The following CNTNAP2 variants were observed in gnomAD, a reference collection of about 807,000 sequenced individuals.
CNTNAP2 encodes contactin associated protein 2.
Under a neutral mutation model 155.2 loss-of-function variants are expected in CNTNAP2, and 98 were observed. The ratio of observed to expected loss-of-function variants is 0.63; its 90% CI spans 0.54 to 0.75. The LOEUF (loss-of-function observed/expected upper bound fraction) is 0.75, where lower values mean the gene tolerates loss of function less well. Among genes scored for constraint, CNTNAP2 ranks in the 30% least tolerant of loss-of-function variants. CNTNAP2 has a pLI of 0.00. For synonymous variants in CNTNAP2, 651 were observed against 631.2 expected (o/e 1.03, Z -0.47); for missense variants, 1,727 against 1,688.1 (o/e 1.02, Z -0.40).
At chr7:146,913,620 C>A (rs1022559370) in intron 3 of CNTNAP2, among the ~76,000 whole-genome samples, 1 of 152,058 alleles carries the variant, frequency 6.6e-6, no homozygotes, top group African/African-American at 2.4e-5. Context: ...CTCAAAGAAG[C>A]AAGCTTTCTT....
At chr7:147,426,342 G>T (rs1382032700) in intron 10 of CNTNAP2, among the ~76,000 whole-genome samples, 1 of 152,054 alleles carries the variant, frequency 6.6e-6, no homozygotes, top group Non-Finnish European at 1.5e-5. Flanking sequence ...TCTTTGGTGT[G>T]TGTGTTTGTT....
intron 13 of CNTNAP2, among the ~76,000 whole-genome samples, chr7:147,668,970 C>A (rs1795743485): frequency 6.6e-6 from 1 of 151,610 alleles, no homozygotes; most frequent in Non-Finnish European, 1.5e-5. Flanking sequence ...TTTTTTTTAT[C>A]TTTTATATTA....
At chr7:147,432,904 T>C (rs946382480) in intron 10 of CNTNAP2, among the ~76,000 whole-genome samples, 3 of 152,214 alleles carry the variant, frequency 2.0e-5, no homozygotes, top group African/African-American at 7.2e-5. Flanking sequence ...AAGTTTATGA[T>C]TAAATATGCA....
chr7:147,674,094 C>T (rs1029311427), intron 13 of CNTNAP2, among the ~76,000 whole-genome samples: 1 of 151,696 alleles, frequency 6.6e-6, no homozygotes, highest in African/African-American at 2.4e-5. Context: ...TTTTTTAATT[C>T]TGGAGGAAAT....
intron 1 of CNTNAP2, among the ~76,000 whole-genome samples, chr7:146,404,124 C>CAAAAAAAA (rs1163559597): frequency 0.012 from 871 of 72,604 alleles, 83 homozygotes; most frequent in African/African-American, 0.054. Flanking sequence ...GACTCCGTCT[C>CAAAAAAAA]AAAAAAAAAA....
intron 3 of CNTNAP2, among the ~76,000 whole-genome samples, chr7:146,923,457 T>C (rs1029043032): frequency 6.6e-6 from 1 of 152,176 alleles, no homozygotes; most frequent in Non-Finnish European, 1.5e-5. Flanking sequence ...GTATTCTCAT[T>C]GCTTGGCACA....
At chr7:148,176,837 G>A (rs1171897084) in intron 18 of CNTNAP2, among the ~76,000 whole-genome samples, 1 of 152,156 alleles carries the variant, frequency 6.6e-6, no homozygotes, top group Non-Finnish European at 1.5e-5. Context: ...AATCATCCCA[G>A]ACTACATGGA....
chr7:148,255,476 A>C (rs1191509912), intron 20 of CNTNAP2, among the ~76,000 whole-genome samples: 2 of 152,222 alleles, frequency 1.3e-5, no homozygotes, highest in Admixed American at 6.5e-5. Context: ...AATAATATTC[A>C]GTGTTTTTCC....
intron 1 of CNTNAP2, among the ~76,000 whole-genome samples, chr7:146,502,449 T>A (rs1797319609): frequency 6.6e-6 from 1 of 151,926 alleles, no homozygotes; most frequent in Non-Finnish European, 1.5e-5. Context: ...TATTAGTTTT[T>A]TGAGAAATGT....
At chr7:146,422,359 G>GTATATATATATATATATATATATA (rs971506491) in intron 1 of CNTNAP2, among the ~76,000 whole-genome samples, 35 of 148,148 alleles carry the variant, frequency 2.4e-4, no homozygotes, top group African/African-American at 8.7e-4. Context: ...GTATATATAT[G>GTATATATATATATATATATATATA]TATATATATA....
chr7:147,341,292 G>T (rs893028166), intron 9 of CNTNAP2, among the ~76,000 whole-genome samples: 2 of 151,980 alleles, frequency 1.3e-5, no homozygotes, highest in Admixed American at 1.3e-4. Flanking sequence ...CTGTCGGTCG[G>T]TGGAGGGCTG....
intron 1 of CNTNAP2, among the ~76,000 whole-genome samples, chr7:146,733,559 A>T (rs1801563139): frequency 6.6e-6 from 1 of 152,144 alleles, no homozygotes; most frequent in Non-Finnish European, 1.5e-5. Flanking sequence ...GTACAGTCTC[A>T]TATTATAATA....
chr7:146,197,491 T>C lies in CNTNAP2; in HGVS notation c.97+80518T>C, dbSNP rs887844752. Among the ~76,000 whole-genome samples, 5 of 152,310 alleles carry C rather than the reference T, an allele frequency of 3.3e-5. No homozygotes were observed. In the East Asian group the frequency reaches 9.6e-4, roughly 29 times the overall value. On this transcript the variant is annotated intron_variant, in intron 1 of 23. Coordinates refer to ENST00000361727, the MANE Select transcript of CNTNAP2 (RefSeq NM_014141.6). ...ATTCAAGAAATTAGACCAGCAGCTA[T>C]ACCTTTAAAAGTACCTGTAGATTTT...
At chr7:147,475,296 G>C (rs987607111) in intron 10 of CNTNAP2, among the ~76,000 whole-genome samples, 9 of 152,138 alleles carry the variant, frequency 5.9e-5, no homozygotes, top group African/African-American at 2.2e-4. Context: ...GAAATTAATA[G>C]ACTTTATCAA....
At chr7:146,860,203 A>G (rs1030622366) in intron 3 of CNTNAP2, among the ~76,000 whole-genome samples, 2 of 152,230 alleles carry the variant, frequency 1.3e-5, no homozygotes, top group East Asian at 1.9e-4. Flanking sequence ...TTAGAGCTAG[A>G]TAGAATATAA....
At chr7:146,562,491 A>G (rs971808) in intron 1 of CNTNAP2, among the ~76,000 whole-genome samples, 117,425 of 152,076 alleles carry the variant, frequency 0.77, 45,813 homozygotes, top group South Asian at 0.89. Flanking sequence ...AAGGAACAAC[A>G]TGACGCATTT....
At chr7:147,370,134 T>C (rs888775419) in intron 9 of CNTNAP2, among the ~76,000 whole-genome samples, 2 of 143,738 alleles carry the variant, frequency 1.4e-5, no homozygotes, top group African/African-American at 2.5e-5. Flanking sequence ...GCATACTCTG[T>C]GTGCATGAGA....
intron 1 of CNTNAP2, among the ~76,000 whole-genome samples, chr7:146,334,127 T>C (rs1250976794): frequency 1.3e-5 from 2 of 152,144 alleles, no homozygotes. Context: ...GGAAGTCCTA[T>C]AGCAGCTTAA....
At chr7:147,437,594 T>G (rs900462543) in intron 10 of CNTNAP2, among the ~76,000 whole-genome samples, 3 of 152,126 alleles carry the variant, frequency 2.0e-5, no homozygotes, top group Admixed American at 2.0e-4. Flanking sequence ...GCCATTTTGG[T>G]TACTATAGCT....
Sources: allele counts gnomAD v4.1 joint callset (sites outside exome capture counted in the v4.1 genomes callset), GRCh38; gene constraint gnomAD v4.1.1; transcripts MANE v1.5; gene names NCBI Gene and HGNC (gene_info 2026-07-23, HGNC 2026-07-21).